The following CDH13 variants were observed in gnomAD, a reference collection of about 807,000 sequenced individuals.
CDH13 encodes cadherin 13, also known as cadherin-13.
A neutral mutation model predicts 63.8 loss-of-function variants in CDH13; 24 were observed. The ratio of observed to expected loss-of-function variants is 0.38; its 90% confidence interval spans 0.27 to 0.53. The LOEUF is 0.53. Among genes scored for constraint, CDH13 ranks in the 20% least tolerant of loss-of-function variants. The probability of loss-of-function intolerance (pLI) is 0.85; values close to 1 mark genes in which losing one functional copy is unlikely to be tolerated. For synonymous variants in CDH13, 503 were observed against 355.3 expected, an observed-to-expected ratio of 1.42 and a Z score of -4.67; for missense variants, 1,049 against 903.1, an observed-to-expected ratio of 1.16 and a Z score of -2.07.
At chr16:83,302,767 C>A (rs1461848584) in intron 5 of CDH13, among the ~76,000 whole-genome samples, 2 of 152,154 alleles carry the variant, frequency 1.3e-5, no homozygotes, top group African/African-American at 2.4e-5. Context: ...GGAGGGACAC[C>A]AAGCCCAGCC....
chr16:83,014,742 AAATATAT>A (rs1567745428), intron 2 of CDH13, among the ~76,000 whole-genome samples: 1 of 29,618 alleles, frequency 3.4e-5, no homozygotes, highest in Non-Finnish European at 7.4e-5. Context: ...AAAAAAAAAA[AAATATAT>A]ATATATATAT....
At chr16:83,181,896 C>A (rs1371687375) in intron 4 of CDH13, among the ~76,000 whole-genome samples, 1 of 152,144 alleles carries the variant, frequency 6.6e-6, no homozygotes, top group Non-Finnish European at 1.5e-5. Flanking sequence ...ATCCTTCTAA[C>A]TAGGTGGTGA....
intron 2 of CDH13, among the ~76,000 whole-genome samples, chr16:82,969,985 C>G (rs1355377163): frequency 6.6e-6 from 1 of 151,458 alleles, no homozygotes; most frequent in Non-Finnish European, 1.5e-5. Context: ...GTGTGCAGAA[C>G]TTGTAGGTTT....
intron 6 of CDH13, among the ~76,000 whole-genome samples, chr16:83,436,818 C>T (rs2072319864): frequency 6.6e-6 from 1 of 152,158 alleles, no homozygotes; most frequent in South Asian, 2.1e-4. Context: ...GACCACAGCT[C>T]AGTTGTGACA....
At chr16:83,202,135 A>C (rs1335685501) in intron 4 of CDH13, among the ~76,000 whole-genome samples, 2 of 152,160 alleles carry the variant, frequency 1.3e-5, no homozygotes, top group African/African-American at 4.8e-5. Context: ...TAAGACTTCA[A>C]AGGTCCTCAG....
At chr16:83,748,785 T>C (rs1233833919) in intron 11 of CDH13, among the ~76,000 whole-genome samples, 1 of 152,242 alleles carries the variant, frequency 6.6e-6, no homozygotes, top group Non-Finnish European at 1.5e-5. Context: ...CCTGATTAGA[T>C]GCTGGGGGCG....
At position 82,768,526 on chromosome 16, in the gene CDH13, C is replaced by T. The variant is rs189260802; in HGVS notation, c.46-89836C>T. ...AGCATGGTAGATTCCAGCTATTAAT[C>T]CTCATGGTATAAGGTGCTTTTTATA... On this transcript the variant is annotated intron_variant, in intron 1 of 13. Transcript: ENST00000567109. 3.4e-3 allele frequency among the ~76,000 whole-genome samples: 522 copies of T among 152,272 alleles called. 1 individual carries two copies. Among genetic ancestry groups the T allele is most frequent in the South Asian group, 0.013 (65 of 4,826 alleles).
At chr16:83,126,012 G>C (rs1004932018) in intron 4 of CDH13, among the ~76,000 whole-genome samples, 3 of 152,196 alleles carry the variant, frequency 2.0e-5, no homozygotes, top group African/African-American at 7.2e-5. Flanking sequence ...AGCTTTTCCA[G>C]GAAGAAATAG....
chr16:83,692,824 C>T (rs1407921960), intron 10 of CDH13, among the ~76,000 whole-genome samples: 2 of 152,188 alleles, frequency 1.3e-5, no homozygotes, highest in Non-Finnish European at 1.5e-5. Flanking sequence ...TGGCTTACAC[C>T]TGTAATCCTA....
At chr16:82,943,941 G>A (rs951222715) in intron 2 of CDH13, among the ~76,000 whole-genome samples, 14 of 152,292 alleles carry the variant, frequency 9.2e-5, no homozygotes, top group Non-Finnish European at 1.5e-4. Context: ...TTGAGAAAGA[G>A]GGCCCAGGCA....
intron 2 of CDH13, among the ~76,000 whole-genome samples, chr16:82,895,060 A>G (rs562962130): frequency 3.9e-5 from 6 of 152,304 alleles, no homozygotes; most frequent in African/African-American, 1.2e-4. Flanking sequence ...TGAAATTTAT[A>G]TGACGTAGAA....
chr16:82,676,712 C>G (rs562059903), intron 1 of CDH13, among the ~76,000 whole-genome samples: 5 of 152,064 alleles, frequency 3.3e-5, no homozygotes, highest in Non-Finnish European at 7.4e-5. Flanking sequence ...CGGACATGAG[C>G]TATAAGACCT....
rs540678286 is a variant in CDH13 at position 83,325,499 on chromosome 16, G to C, written c.637-19363G>C. Among the ~76,000 whole-genome samples the C allele has an allele frequency of 1.8e-4, 27 of 152,282 alleles. No individual in the cohort carries two copies. The South Asian group carries it at 4.8e-3, about 27-fold the overall frequency. On this transcript the variant is annotated intron_variant, in intron 5 of 13. Coordinates refer to ENST00000567109, the MANE Select transcript of CDH13 (RefSeq NM_001257.5). ...TACTTTAGGCCTTGCGAGTCATGCA[G>C]ACCCTTTCTGCTGTTACTCAGTTCT... is the stretch of plus-strand genomic sequence containing the variant.
intron 11 of CDH13, among the ~76,000 whole-genome samples, chr16:83,766,838 T>C (rs1914421991): frequency 6.6e-6 from 1 of 152,094 alleles, no homozygotes; most frequent in Non-Finnish European, 1.5e-5. Context: ...GCTGTTCTCA[T>C]GGTAATGAGT....
chr16:83,509,231 A>G (rs1005960985), intron 7 of CDH13, among the ~76,000 whole-genome samples: 7 of 152,224 alleles, frequency 4.6e-5, no homozygotes, highest in Non-Finnish European at 7.3e-5. Flanking sequence ...GCGGCCATGG[A>G]AATGACTCTT....
intron 6 of CDH13, among the ~76,000 whole-genome samples, chr16:83,462,659 G>C (rs1315256869): frequency 6.6e-6 from 1 of 152,214 alleles, no homozygotes; most frequent in Non-Finnish European, 1.5e-5. Flanking sequence ...AGGAGGCTGA[G>C]GCAGCAGAAT....
At chr16:82,926,010 G>A (rs895869016) in intron 2 of CDH13, 8 of 152,156 alleles carry the variant, frequency 5.3e-5, no homozygotes, top group Non-Finnish European at 1.0e-4. Flanking sequence ...CAGCAGGAGA[G>A]TTGGTGGAAT....
intron 2 of CDH13, among the ~76,000 whole-genome samples, chr16:82,980,089 G>A (rs1191594588): frequency 9.1e-6 from 1 of 110,142 alleles, no homozygotes; most frequent in Non-Finnish European, 2.4e-5. Context: ...TGATGGCAGG[G>A]ACAGTTATCT....
intron 1 of CDH13, among the ~76,000 whole-genome samples, chr16:82,745,431 C>T (rs1164240139): frequency 6.6e-6 from 1 of 152,070 alleles, no homozygotes; most frequent in Non-Finnish European, 1.5e-5. Flanking sequence ...GGTGAAACCC[C>T]GTCTCTACTA....
Sources: allele counts gnomAD v4.1 joint callset (sites outside exome capture counted in the v4.1 genomes callset), GRCh38; gene constraint gnomAD v4.1.1; transcripts MANE v1.5; gene names NCBI Gene and HGNC (gene_info 2026-07-23, HGNC 2026-07-21).